RBKS: variants seen among roughly 807,000 people sequenced by gnomAD.
The protein encoded by RBKS is ribokinase.
In RBKS, 33 loss-of-function variants were observed where a neutral mutation model predicts 33.9. That is an observed-to-expected ratio of 0.97 (90% CI 0.74 to 1.30). The LOEUF (loss-of-function observed/expected upper bound fraction) is 1.30. Among genes scored for constraint, RBKS ranks in the 50% most tolerant of loss-of-function variants. The pLI, the probability that RBKS is intolerant of heterozygous loss-of-function variation, is 0.00. For missense variants in RBKS, 361 were observed against 392.6 expected, an observed-to-expected ratio of 0.92 and a Z score of 0.68; for synonymous variants, 125 against 143.0, an observed-to-expected ratio of 0.87 and a Z score of 0.90.
chr2:27,809,923 C>T (rs759898664), intron 7 of RBKS: 447 of 1,300,270 alleles, frequency 3.4e-4, no homozygotes, highest in Non-Finnish European at 4.2e-4. Flanking sequence ...CATTTTTGCT[C>T]GAGCTGTTAG....
intron 7 of RBKS, among the ~76,000 whole-genome samples, chr2:27,798,118 T>C (rs1227125332): frequency 6.6e-6 from 1 of 152,032 alleles, no homozygotes; most frequent in African/African-American, 2.4e-5. Context: ...ATGACAGCAT[T>C]GGGACAGAGA....
At chr2:27,792,602 G>A (rs1356716662) in intron 7 of RBKS, among the ~76,000 whole-genome samples, 1 of 152,036 alleles carries the variant, frequency 6.6e-6, no homozygotes, top group East Asian at 1.9e-4. Flanking sequence ...AACACATGTC[G>A]TTTCTTCATT....
chr2:27,883,329 A>G (rs1318736027), intron 1 of RBKS, among the ~76,000 whole-genome samples: 1 of 151,894 alleles, frequency 6.6e-6, no homozygotes, highest in African/African-American at 2.4e-5. Context: ...CCTCCCGAGT[A>G]GCTGGGACTA....
At chr2:27,871,262 AAAACAAAC>A (rs540716644) in intron 1 of RBKS, among the ~76,000 whole-genome samples, 40 of 152,286 alleles carry the variant, frequency 2.6e-4, no homozygotes, top group African/African-American at 8.9e-4. Flanking sequence ...CGTGTTCACT[AAAACAAAC>A]AAACAAACAA....
At chr2:27,868,699 G>C (rs1366947073) in intron 1 of RBKS, among the ~76,000 whole-genome samples, 3 of 152,122 alleles carry the variant, frequency 2.0e-5, no homozygotes, top group Non-Finnish European at 2.9e-5. Context: ...GGCTTTCCTC[G>C]TGGTCTCTTG....
At chr2:27,867,222 T>C (rs953818479) in intron 1 of RBKS, among the ~76,000 whole-genome samples, 1 of 152,210 alleles carries the variant, frequency 6.6e-6, no homozygotes, top group Admixed American at 6.5e-5. Context: ...ATTCTTTGCA[T>C]GTCTAGTGAT....
At chr2:27,884,894 T>G (rs1342484265) in intron 1 of RBKS, among the ~76,000 whole-genome samples, 2 of 152,156 alleles carry the variant, frequency 1.3e-5, no homozygotes, top group East Asian at 1.9e-4. Context: ...TATTAAAAAT[T>G]TATCCTTTAA....
chr2:27,842,005 C>T (rs955381609), intron 5 of RBKS, among the ~76,000 whole-genome samples: 1 of 152,080 alleles, frequency 6.6e-6, no homozygotes, highest in African/African-American at 2.4e-5. Context: ...TGTACTACAC[C>T]ATGCTTGGCA....
chr2:27,872,702 A>G (rs1482536955), intron 1 of RBKS, among the ~76,000 whole-genome samples: 1 of 152,192 alleles, frequency 6.6e-6, no homozygotes, highest in Non-Finnish European at 1.5e-5. Context: ...AAAATATATA[A>G]CAACAACAAG....
At chr2:27,886,053 TTG>T (rs1664521595) in intron 1 of RBKS, among the ~76,000 whole-genome samples, 3 of 152,232 alleles carry the variant, frequency 2.0e-5, no homozygotes, top group African/African-American at 4.8e-5. Flanking sequence ...CCTTGTATCT[TTG>T]TAATGTGTAA....
At chr2:27,881,086 C>A (rs1024136733) in intron 1 of RBKS, among the ~76,000 whole-genome samples, 2 of 151,726 alleles carry the variant, frequency 1.3e-5, no homozygotes, top group Non-Finnish European at 2.9e-5. Flanking sequence ...AACAAACAAA[C>A]AAAAAAACAG....
chr2:27,807,381 C>CT (rs1263254753), intron 7 of RBKS, among the ~76,000 whole-genome samples: 4 of 151,854 alleles, frequency 2.6e-5, no homozygotes, highest in Admixed American at 6.6e-5. Flanking sequence ...TGGCAGAGGT[C>CT]TTTTTTTTCT....
intron 2 of RBKS, among the ~76,000 whole-genome samples, chr2:27,851,759 G>A (rs776827884): frequency 6.6e-6 from 1 of 151,876 alleles, no homozygotes; most frequent in Non-Finnish European, 1.5e-5. Flanking sequence ...GGGTGGTCTC[G>A]AACTCCTGAC....
chr2:27,872,669 G>C (rs1352993919), intron 1 of RBKS, among the ~76,000 whole-genome samples: 10 of 152,100 alleles, frequency 6.6e-5, no homozygotes, highest in Non-Finnish European at 1.5e-4. Context: ...CAATAAATTA[G>C]CCGTAAAATA....
At chr2:27,882,849 TCTTA>T (rs1459176964) in intron 1 of RBKS, among the ~76,000 whole-genome samples, 6 of 152,178 alleles carry the variant, frequency 3.9e-5, no homozygotes, top group African/African-American at 1.4e-4. Flanking sequence ...TACTGCATGT[TCTTA>T]CTTATAAGTG....
intron 7 of RBKS, 52 bp downstream of exon 7, chr2:27,827,515 C>A (rs371340991): frequency 1.4e-6 from 2 of 1,450,580 alleles, no homozygotes; most frequent in African/African-American, 2.9e-5. Context: ...TAATTAGTTA[C>A]TAAGTAACAA....
chr2:27,855,039 C>T (rs1482932315), intron 2 of RBKS, among the ~76,000 whole-genome samples: 1 of 151,682 alleles, frequency 6.6e-6, no homozygotes, highest in East Asian at 1.9e-4. Context: ...GTTAAGTGTT[C>T]TTACTACCCC....
chr2:27,846,949 G>C (rs1663633263), intron 4 of RBKS, 93 bp downstream of exon 4: 1 of 836,760 alleles, frequency 1.2e-6, no homozygotes, highest in African/African-American at 1.7e-5. Flanking sequence ...ATAGTAAGAG[G>C]TCCATAGGAT....
Position 27,837,526 on chromosome 2 carries a change from G to C in RBKS, c.515-4749C>G, listed in dbSNP as rs1426160844. Among the ~76,000 whole-genome samples the C allele has an allele frequency of 6.6e-6, 1 of 152,142 alleles. No individual in the cohort carries two copies. Among genetic ancestry groups the C allele is most frequent in the Non-Finnish European group, 1.5e-5 (1 of 68,026 alleles). The stretch of plus-strand genomic sequence containing the variant: ...TTATACCTAAAGGAAACATGTACTT[G>C]TATGTTCATCACCATGCTAGTCACA... On this transcript the variant is annotated intron_variant, in intron 5 of 7. Coordinates refer to ENST00000302188, the MANE Select transcript of RBKS (RefSeq NM_022128.3). This position sits in a 1 kb window ranked among gnomAD's most constrained non-coding sequence, Gnocchi z 4.0.
Sources: allele counts gnomAD v4.1 joint callset (sites outside exome capture counted in the v4.1 genomes callset), GRCh38; gene constraint gnomAD v4.1.1; non-coding constraint Gnocchi (gnomAD v3.1); transcripts MANE v1.5; gene names NCBI Gene and HGNC (gene_info 2026-07-23, HGNC 2026-07-21).